The following RORA variants were observed in gnomAD, a reference collection of about 807,000 sequenced individuals.
RORA encodes the protein nuclear receptor ROR-alpha.
In RORA, 7 loss-of-function variants were observed where a neutral mutation model predicts 69.5. The ratio of observed to expected loss-of-function variants is 0.10; its 90% confidence interval spans 0.06 to 0.19. RORA has a LOEUF of 0.19. RORA is among the 10% of genes least tolerant of loss of function. The pLI, the probability that RORA is intolerant of heterozygous loss-of-function variation, is 1.00. For synonymous variants in RORA, 261 were observed against 240.8 expected, an observed-to-expected ratio of 1.08 and a Z score of -0.78; for missense variants, 457 against 663.0, an observed-to-expected ratio of 0.69 and a Z score of 3.41.
At chr15:60,988,569 GACCATGGC>G (rs1894280659) in intron 1 of RORA, among the ~76,000 whole-genome samples, 1 of 152,292 alleles carries the variant, frequency 6.6e-6, no homozygotes, top group Admixed American at 6.5e-5. Flanking sequence ...ACAGCCCATT[GACCATGGC>G]AAATCCTCTA....
intron 1 of RORA, among the ~76,000 whole-genome samples, chr15:61,058,953 T>C (rs2078133390): frequency 6.6e-6 from 1 of 152,254 alleles, no homozygotes; most frequent in East Asian, 1.9e-4. Flanking sequence ...ATGGTGAATT[T>C]ACGGTGATAA....
chr15:60,699,534 A>G (rs916811387), intron 1 of RORA, among the ~76,000 whole-genome samples: 2 of 152,210 alleles, frequency 1.3e-5, no homozygotes, highest in African/African-American at 2.4e-5. Context: ...AAACATTTAC[A>G]TGTAGAATCT....
At chr15:61,028,344 T>C (rs777937865) in intron 1 of RORA, among the ~76,000 whole-genome samples, 2 of 152,180 alleles carry the variant, frequency 1.3e-5, no homozygotes, top group East Asian at 1.9e-4. Context: ...ATAGAGACTA[T>C]GCCAAGGAAA....
At chr15:61,160,569 C>G (rs1289462745) in intron 1 of RORA, among the ~76,000 whole-genome samples, 2 of 152,164 alleles carry the variant, frequency 1.3e-5, no homozygotes, top group African/African-American at 4.8e-5. Flanking sequence ...GGGGACTTTG[C>G]TGAGAATGCC....
chr15:60,781,521 A>G (rs2072255303), intron 1 of RORA, among the ~76,000 whole-genome samples: 1 of 151,968 alleles, frequency 6.6e-6, no homozygotes, highest in South Asian at 2.1e-4. Context: ...CTGATCTGTA[A>G]CTCCAAGTCA....
intron 1 of RORA, among the ~76,000 whole-genome samples, chr15:60,730,775 G>T (rs1299827688): frequency 6.6e-6 from 1 of 151,742 alleles, no homozygotes; most frequent in East Asian, 1.9e-4. Flanking sequence ...GTATTTACAA[G>T]GAATAAATAG....
intron 1 of RORA, among the ~76,000 whole-genome samples, chr15:61,052,158 T>C (rs1404800617): frequency 6.6e-6 from 1 of 152,206 alleles, no homozygotes; most frequent in East Asian, 1.9e-4. Flanking sequence ...TGGGTGCAGC[T>C]TATGCACACA....
At chr15:61,062,333 C>G (rs1484821578) in intron 1 of RORA, among the ~76,000 whole-genome samples, 3 of 152,192 alleles carry the variant, frequency 2.0e-5, no homozygotes, top group South Asian at 2.1e-4. Context: ...GCTCCCCTAG[C>G]CCCTAGCCTC....
intron 1 of RORA, among the ~76,000 whole-genome samples, chr15:61,105,553 G>A (rs1401251794): frequency 6.6e-6 from 1 of 152,080 alleles, no homozygotes; most frequent in African/African-American, 2.4e-5. Flanking sequence ...CTTCTGCCAA[G>A]GTCATTGGTT....
chr15:60,515,937 ATT>A (rs2065862012), intron 3 of RORA, among the ~76,000 whole-genome samples: 1 of 17,122 alleles, frequency 5.8e-5, no homozygotes, highest in African/African-American at 3.3e-4. Flanking sequence ...TTATATATAT[ATT>A]TATATATATT....
rs74951100 is a variant in RORA, at chr15:61,117,329, T to C, written c.166+111724A>G. On this transcript the variant is annotated intron_variant, in intron 1 of 10. Coordinates refer to ENST00000335670, the MANE Select transcript of RORA (RefSeq NM_134261.3). Reference sequence around the variant, plus strand: ...AAGATTCTGTTCTTATAATTGTTTATCTACCATGATTTGATTAAGTTCACA... The same window carrying C: ...AAGATTCTGTTCTTATAATTGTTTACCTACCATGATTTGATTAAGTTCACA... 8.4e-3 allele frequency among the ~76,000 whole-genome samples: 1,281 copies of C among 152,302 alleles called. 41 individuals are homozygous for C. The East Asian group carries it at 0.1, about 12-fold the overall frequency.
chr15:60,842,307 C>T (rs146970097), intron 1 of RORA, among the ~76,000 whole-genome samples: 1 of 152,272 alleles, frequency 6.6e-6, no homozygotes, highest in East Asian at 1.9e-4. Context: ...TCCTTGGCTG[C>T]CCATGGGCTG....
chr15:60,796,464 A>T (rs998882159), intron 1 of RORA, among the ~76,000 whole-genome samples: 1 of 152,148 alleles, frequency 6.6e-6, no homozygotes, highest in Non-Finnish European at 1.5e-5. Flanking sequence ...AAAGAAAATC[A>T]GACAGATACC....
chr15:60,672,844 A>G (rs1476779061), intron 2 of RORA, among the ~76,000 whole-genome samples: 1 of 152,238 alleles, frequency 6.6e-6, no homozygotes, highest in Non-Finnish European at 1.5e-5. Flanking sequence ...TGCTACTACA[A>G]GTAATGGTAC....
chr15:61,228,996 C>T, intron 1 of RORA, 57 bp downstream of exon 1: 4 of 1,055,984 alleles, frequency 3.8e-6, no homozygotes, highest in Non-Finnish European at 3.5e-6. Context: ...CCGGCCGCCC[C>T]CCGCTCCGCG....
chr15:61,166,056 T>C (rs1306484692), intron 1 of RORA, among the ~76,000 whole-genome samples: 1 of 152,182 alleles, frequency 6.6e-6, no homozygotes, highest in Non-Finnish European at 1.5e-5. Flanking sequence ...AGGTGCAAGA[T>C]TTTCAAACTC....
chr15:61,044,466 A>G (rs1896931406), intron 1 of RORA, among the ~76,000 whole-genome samples: 1 of 152,188 alleles, frequency 6.6e-6, no homozygotes, highest in African/African-American at 2.4e-5. Context: ...GCCAGTCCCA[A>G]CTGAAATGTG....
intron 2 of RORA, among the ~76,000 whole-genome samples, chr15:60,600,544 A>T (rs1037592670): frequency 2.0e-5 from 3 of 152,198 alleles, no homozygotes; most frequent in Non-Finnish European, 4.4e-5. Flanking sequence ...GTCCAGTCCT[A>T]CACTGTGGAA....
intron 2 of RORA, chr15:60,678,421 C>T (rs959754837): frequency 2.3e-6 from 1 of 430,002 alleles, no homozygotes; most frequent in Non-Finnish European, 4.2e-6. Context: ...AGCTTCATGG[C>T]TGGAAACACT....
Sources: allele counts gnomAD v4.1 joint callset (sites outside exome capture counted in the v4.1 genomes callset), GRCh38; gene constraint gnomAD v4.1.1; transcripts MANE v1.5; gene names NCBI Gene and HGNC (gene_info 2026-07-23, HGNC 2026-07-21).